FBXL20: variants seen among roughly 807,000 people sequenced by gnomAD.
The protein encoded by FBXL20 is F-box/LRR-repeat protein 20.
A neutral mutation model predicts 64.0 loss-of-function variants in FBXL20; 11 were observed. The observed-to-expected ratio is 0.17, with a 90% confidence interval of 0.11 to 0.28. The LOEUF (loss-of-function observed/expected upper bound fraction) is 0.28. FBXL20 is among the 10% of genes least tolerant of loss of function. The probability of loss-of-function intolerance (pLI) is 1.00; values close to 1 mark genes in which losing one functional copy is unlikely to be tolerated. For synonymous variants in FBXL20, 184 were observed against 189.0 expected, an observed-to-expected ratio of 0.97 and a Z score of 0.22; for missense variants, 303 against 526.2, an observed-to-expected ratio of 0.58 and a Z score of 4.15.
At chr17:39,265,574 T>TA (rs2046783686) in intron 12 of FBXL20, 121 bp from the exon 13 acceptor site, 1 of 623,828 alleles carries the variant, frequency 1.6e-6, no homozygotes, top group Non-Finnish European at 2.7e-6. Flanking sequence ...GGTGCAACTA[T>TA]AAGCTCACTG....
chr17:39,356,214 CAAAAAAAA>C (rs56838813), intron 1 of FBXL20, among the ~76,000 whole-genome samples: 4 of 75,868 alleles, frequency 5.3e-5, no homozygotes, highest in East Asian at 3.7e-4. Flanking sequence ...GACTCCATCT[CAAAAAAAA>C]AAAAAAAAAA....
At chr17:39,390,622 G>A (rs2048125156) in intron 1 of FBXL20, among the ~76,000 whole-genome samples, 1 of 152,032 alleles carries the variant, frequency 6.6e-6, no homozygotes, top group South Asian at 2.1e-4. Flanking sequence ...AGCTACTGGG[G>A]AGACAGAGGT....
In FBXL20 at chr17:39,345,550, AT is replaced by A. The variant is rs11408782; in HGVS notation, c.43-2310del. On this transcript the variant is annotated intron_variant, in intron 1 of 14. Transcript: ENST00000264658. ...TTTCATTTAAAGAATAATTTTAATA[AT>A]TTTTTTTTTGAGAGAGTTTTGCTCT... 7.9e-3 allele frequency among the ~76,000 whole-genome samples: 1,187 copies of A among 150,506 alleles called. 42 individuals are homozygous for A. The highest frequency in any genetic ancestry group is 0.015 in the East Asian group (76 of 5,096).
intron 2 of FBXL20, among the ~76,000 whole-genome samples, chr17:39,338,677 C>T (rs1033902786): frequency 3.4e-4 from 51 of 152,184 alleles, no homozygotes; most frequent in Middle Eastern, 3.4e-3. Flanking sequence ...AACTAAGTGA[C>T]CAAAATTAAT....
At chr17:39,398,040 C>T (rs1364772771) in intron 1 of FBXL20, among the ~76,000 whole-genome samples, 5 of 56,678 alleles carry the variant, frequency 8.8e-5, no homozygotes, top group African/African-American at 1.6e-4. Context: ...GGCCGGCGGG[C>T]GGGGGGGGGG....
intron 1 of FBXL20, among the ~76,000 whole-genome samples, chr17:39,371,326 G>T (rs2047916495): frequency 6.6e-6 from 1 of 152,082 alleles, no homozygotes; most frequent in African/African-American, 2.4e-5. Flanking sequence ...ATAGGCATGA[G>T]CCTGTTAATG....
Position 39,383,724 on chromosome 17 carries a change from G to A in FBXL20, c.42+17637C>T, listed in dbSNP as rs1373822883. On this transcript the variant is annotated intron_variant, in intron 1 of 14. Coordinates refer to ENST00000264658, the MANE Select transcript of FBXL20 (RefSeq NM_032875.3). The stretch of plus-strand genomic sequence containing the variant: ...CCTGTCTCAGCCTCCCAAGTAGCTG[G>A]GATTACAGGCGCATGTCACCATGCC... 2.0e-5 allele frequency among the ~76,000 whole-genome samples: 3 copies of A among 151,512 alleles called. No individual in the cohort carries two copies. The East Asian group carries it at 5.9e-4, about 30-fold the overall frequency.
At chr17:39,359,187 T>C (rs574792815) in intron 1 of FBXL20, among the ~76,000 whole-genome samples, 1 of 151,636 alleles carries the variant, frequency 6.6e-6, no homozygotes, top group African/African-American at 2.4e-5. Context: ...TATAAAAAAT[T>C]AGCGTGGCGG....
At chr17:39,262,075 T>G (rs932090063) in intron 14 of FBXL20, among the ~76,000 whole-genome samples, 1 of 151,946 alleles carries the variant, frequency 6.6e-6, no homozygotes, top group Non-Finnish European at 1.5e-5. Flanking sequence ...CTAATGTAAG[T>G]AGGCACGTAA....
intron 1 of FBXL20, among the ~76,000 whole-genome samples, chr17:39,360,155 T>G (rs1008786506): frequency 2.0e-5 from 3 of 152,118 alleles, no homozygotes; most frequent in African/African-American, 7.2e-5. Flanking sequence ...GTCACAAAAG[T>G]ACCACTTACA....
At chr17:39,295,289 CAG>C (rs1384655904) in intron 6 of FBXL20, among the ~76,000 whole-genome samples, 2 of 152,070 alleles carry the variant, frequency 1.3e-5, no homozygotes, top group Non-Finnish European at 2.9e-5. Context: ...TTCTTTGAAC[CAG>C]AGTCTTGCTC....
intron 9 of FBXL20, 65 bp downstream of exon 9, chr17:39,281,324 T>C: frequency 1.4e-6 from 2 of 1,440,446 alleles, no homozygotes; most frequent in Non-Finnish European, 9.7e-7. Flanking sequence ...GCTCTTAAAA[T>C]AGCTCTTAAA....
chr17:39,333,759 C>A (rs575772217), intron 2 of FBXL20, among the ~76,000 whole-genome samples: 1 of 152,032 alleles, frequency 6.6e-6, no homozygotes, highest in African/African-American at 2.4e-5. Flanking sequence ...GCCCCGCCGC[C>A]CCGTCTGAGA....
intron 2 of FBXL20, among the ~76,000 whole-genome samples, chr17:39,304,771 G>C (rs868326423): frequency 1.7e-4 from 26 of 151,874 alleles, no homozygotes; most frequent in South Asian, 1.5e-3. Context: ...TTTTTTTGTT[G>C]TTGTTGTTCT....
chr17:39,265,686 A>ATTTT (rs111908860), intron 12 of FBXL20, among the ~76,000 whole-genome samples: 1 of 145,170 alleles, frequency 6.9e-6, no homozygotes, highest in Non-Finnish European at 1.5e-5. Flanking sequence ...AAATTAAAAA[A>ATTTT]ATTTTTTTTT....
At chr17:39,390,666 G>A (rs1436910220) in intron 1 of FBXL20, among the ~76,000 whole-genome samples, 1 of 152,076 alleles carries the variant, frequency 6.6e-6, no homozygotes, top group East Asian at 1.9e-4. Flanking sequence ...GGTCAAGGCT[G>A]CAGTGAGCCC....
intron 2 of FBXL20, among the ~76,000 whole-genome samples, chr17:39,337,603 G>T (rs1261723752): frequency 2.0e-5 from 3 of 149,298 alleles, no homozygotes; most frequent in African/African-American, 5.0e-5. Flanking sequence ...CCGCGACCCC[G>T]TCTGGGAGGT....
intron 1 of FBXL20, among the ~76,000 whole-genome samples, chr17:39,378,681 C>A (rs1648484796): frequency 6.6e-6 from 1 of 151,608 alleles, no homozygotes; most frequent in African/African-American, 2.4e-5. Flanking sequence ...ACCGTGTTGG[C>A]TCATTGCAAC....
chr17:39,276,680 C>T (rs963523403), intron 9 of FBXL20, among the ~76,000 whole-genome samples: 1 of 152,032 alleles, frequency 6.6e-6, no homozygotes, highest in African/African-American at 2.4e-5. Context: ...GCTGGGATTA[C>T]AGGCGTGGGC....
Sources: gnomAD v4.1 joint callset for allele counts (sites outside exome capture counted in the v4.1 genomes callset) on GRCh38, gnomAD v4.1.1 for gene constraint, MANE v1.5 for transcripts, NCBI Gene and HGNC (gene_info 2026-07-23, HGNC 2026-07-21) for gene names.